Variants in ADAM19 observed in about 807,000 individuals in gnomAD.
The protein encoded by ADAM19 is ADAM metallopeptidase domain 19.
ADAM19 carries 65 observed loss-of-function variants against 114.7 expected under a neutral mutation model. That is an observed-to-expected ratio of 0.57 (90% CI 0.46 to 0.70). The LOEUF is 0.70. Ranked by LOEUF, ADAM19 falls within the 30% of genes least tolerant of loss-of-function variation. ADAM19 has a pLI of 0.00. For synonymous variants in ADAM19, 466 were observed against 460.5 expected, an observed-to-expected ratio of 1.01 and a Z score of -0.15; for missense variants, 1,063 against 1,204.7, an observed-to-expected ratio of 0.88 and a Z score of 1.74.
chr5:157,550,686 GAAA>G (rs60281885), intron 3 of ADAM19, among the ~76,000 whole-genome samples: 1 of 139,834 alleles, frequency 7.2e-6, no homozygotes, highest in Non-Finnish European at 1.6e-5. Flanking sequence ...AAGCTGTTTG[GAAA>G]AAAAAAAAAA....
intron 7 of ADAM19, among the ~76,000 whole-genome samples, chr5:157,514,619 G>C (rs1043621553): frequency 6.6e-6 from 1 of 152,122 alleles, no homozygotes; most frequent in South Asian, 2.1e-4. Flanking sequence ...GAGCCACTGC[G>C]CCTGGCCGTA....
Position 157,480,500 on chromosome 5 carries a change from C to G in ADAM19, c.*449G>C, listed in dbSNP as rs1256257600. The G allele has an allele frequency of 1.0e-6, 1 of 996,140 alleles. No individual in the cohort carries two copies. The highest frequency in any genetic ancestry group is 1.2e-6 in the Non-Finnish European group (1 of 836,824). The allele number at this position is 996,140 out of a possible 1,614,324, so 61.7% of individuals were successfully genotyped here. On this transcript the variant is annotated 3_prime_UTR_variant, in exon 23 of 23. Coordinates refer to ENST00000257527, the MANE Select transcript of ADAM19 (RefSeq NM_033274.5). ...GCTAAAAGGGGTGGGTAAGTACCAGCCTCCATCCAGCCCGGGACCTCTGAG... is the reference window on the plus strand; with the variant it reads ...GCTAAAAGGGGTGGGTAAGTACCAGGCTCCATCCAGCCCGGGACCTCTGAG...
chr5:157,543,835 GA>G (rs138930065), intron 3 of ADAM19, among the ~76,000 whole-genome samples: 2,127 of 152,228 alleles, frequency 0.014, 42 homozygotes, highest in African/African-American at 0.048. Flanking sequence ...AAGTGTCTCT[GA>G]AAAGCAGAGT....
intron 16 of ADAM19, among the ~76,000 whole-genome samples, chr5:157,492,241 G>A (rs1269260614): frequency 3.9e-5 from 6 of 152,134 alleles, no homozygotes; most frequent in East Asian, 3.9e-4. Context: ...GCAGTGAGCC[G>A]AGATTGTACC....
At chr5:157,534,289 G>T (rs1433123082) in intron 4 of ADAM19, among the ~76,000 whole-genome samples, 1 of 152,018 alleles carries the variant, frequency 6.6e-6, no homozygotes, top group African/African-American at 2.4e-5. Context: ...CCAACATGGT[G>T]AAACTCCATT....
chr5:157,546,874 G>C (rs943766905), intron 3 of ADAM19, among the ~76,000 whole-genome samples: 1 of 152,158 alleles, frequency 6.6e-6, no homozygotes, highest in Non-Finnish European at 1.5e-5. Context: ...AGGAAAGTCC[G>C]GCCCAGCTCC....
At chr5:157,554,977 G>T (rs1757326770) in intron 3 of ADAM19, among the ~76,000 whole-genome samples, 1 of 152,190 alleles carries the variant, frequency 6.6e-6, no homozygotes, top group Non-Finnish European at 1.5e-5. Context: ...GGAAAGGTAG[G>T]AGGAAAGGGA....
At position 157,490,367 on chromosome 5, in the gene ADAM19, T is replaced by C; in HGVS notation, c.2183A>G (p.Asn728Ser). 6.2e-7 allele frequency: 1 copy of C among 1,614,104 alleles called. No individual in the cohort carries two copies. The highest frequency in any genetic ancestry group is 1.3e-5 in the African/African-American group (1 of 75,042). The part of the protein sequence containing the change: ...MLMYYCCRQN[N>S]KLGQLKPSAL... ...TGAGGGCTTGAGTTGGCCTAGTTTG[T>C]TGTTCTGTCTGCAGCAGTAGTACAT... The change falls in exon 19 of 23, where the codon AAC becomes AGC. Residue 728 changes from asparagine to serine, a missense_variant. This residue lies in a region of ADAM19 where 424 missense variants were observed against 445.5 expected (regional missense o/e 0.95). Transcript: ENST00000257527.
chr5:157,541,818 A>T (rs1261185794), intron 3 of ADAM19, among the ~76,000 whole-genome samples: 1 of 152,250 alleles, frequency 6.6e-6, no homozygotes, highest in Non-Finnish European at 1.5e-5. Context: ...AGGAGCAGTG[A>T]CACTAAAATG....
chr5:157,540,746 C>T (rs1756895046), intron 3 of ADAM19, among the ~76,000 whole-genome samples: 1 of 152,112 alleles, frequency 6.6e-6, no homozygotes, highest in Admixed American at 6.5e-5. Flanking sequence ...CACTGGACAC[C>T]TCCAGGGAGA....
intron 3 of ADAM19, among the ~76,000 whole-genome samples, chr5:157,557,773 CT>C (rs1247243809): frequency 5.9e-5 from 9 of 152,136 alleles, no homozygotes; most frequent in African/African-American, 2.2e-4. Context: ...CGGGTCTCTT[CT>C]ATCAGGGCAC....
At chr5:157,491,537 C>T (rs976669587) in intron 18 of ADAM19, 78 bp downstream of exon 18, 2 of 1,019,514 alleles carry the variant, frequency 2.0e-6, no homozygotes, top group Non-Finnish European at 2.8e-6. Flanking sequence ...AATGTGGATG[C>T]TCTGCAACAT....
At position 157,507,109 on chromosome 5, in the gene ADAM19, G is replaced by A; in HGVS notation, c.937C>T (p.Leu313=). 1 of 1,614,142 alleles carries A rather than the reference G, an allele frequency of 6.2e-7. No homozygotes were observed. Among genetic ancestry groups the A allele is most frequent in the South Asian group, 1.1e-5 (1 of 91,082 alleles). Residue 313 remains leucine, a synonymous_variant, in exon 10 of 23, where the codon CTG becomes TTG. Coordinates refer to ENST00000257527, the MANE Select transcript of ADAM19 (RefSeq NM_033274.5). ...GMSFHGTTIG[L]APLMAMCSVY... is the part of the protein sequence containing the mutation. ...GAGCACATGGCCATGAGGGGGGCCA[G>A]GCCGATGGTGGTGCCGTGGAAGGAC... is the stretch of plus-strand genomic sequence containing the variant.
chr5:157,480,724 G>A lies in ADAM19; in HGVS notation c.*225C>T. On this transcript the variant is annotated 3_prime_UTR_variant, in exon 23 of 23. Transcript: ENST00000257527. ...CCCTCCCTACCTGGGGCTGTATATT[G>A]CACAAAACAACACCTAGAGGCCATC... is the stretch of plus-strand genomic sequence containing the variant. 3 of 1,389,318 alleles carry A rather than the reference G, an allele frequency of 2.2e-6. No homozygotes were observed. The highest frequency in any genetic ancestry group is 5.5e-5 in the East Asian group (2 of 36,498). The allele number at this position is 1,389,318 out of a possible 1,614,324, so 86.1% of individuals were successfully genotyped here.
At chr5:157,526,414 A>G (rs556259482) in intron 5 of ADAM19, among the ~76,000 whole-genome samples, 1 of 152,236 alleles carries the variant, frequency 6.6e-6, no homozygotes, top group Admixed American at 6.5e-5. Flanking sequence ...ATTTTTAAAA[A>G]AGTAAACAAC....
chr5:157,526,526 T>C (rs1756467335), intron 5 of ADAM19, among the ~76,000 whole-genome samples: 1 of 152,120 alleles, frequency 6.6e-6, no homozygotes, highest in South Asian at 2.1e-4. Flanking sequence ...CTTAACCCAG[T>C]ATAGATATTT....
At chr5:157,507,365 A>G (rs1755778427) in intron 9 of ADAM19, among the ~76,000 whole-genome samples, 1 of 152,222 alleles carries the variant, frequency 6.6e-6, no homozygotes, top group Non-Finnish European at 1.5e-5. Context: ...GAACACAAAG[A>G]GAGAGAGAAA....
intron 4 of ADAM19, among the ~76,000 whole-genome samples, chr5:157,536,667 T>C (rs1394521679): frequency 6.6e-6 from 1 of 152,142 alleles, no homozygotes; most frequent in African/African-American, 2.4e-5. Context: ...CTGTGTCCCT[T>C]TCCCCATCCA....
Position 157,496,943 on chromosome 5 carries a change from G to A in ADAM19, c.1545C>T (p.Asn515=), listed in dbSNP as rs181353242. 4.4e-5 allele frequency: 71 copies of A among 1,597,444 alleles called. No homozygotes were observed. The East Asian group carries it at 9.5e-4, about 21-fold the overall frequency. The part of the protein sequence containing the change: ...PCEGGQAYCY[N]GMCLTYQEQC... ...GCTCCTGGTAGGTGAGGCACATGCCGTTGTAGCAGTAGGCCTGGCCGCCCT... is the reference window on the plus strand; with the variant it reads ...GCTCCTGGTAGGTGAGGCACATGCCATTGTAGCAGTAGGCCTGGCCGCCCT... Residue 515 remains asparagine (N), a synonymous_variant, in exon 14 of 23, where the codon AAC becomes AAT. Coordinates refer to ENST00000257527, the MANE Select transcript of ADAM19 (RefSeq NM_033274.5).
Sources: gnomAD v4.1 joint callset for allele counts (sites outside exome capture counted in the v4.1 genomes callset) on GRCh38, gnomAD v4.1.1 for gene constraint, gnomAD v4.1.1 regional missense constraint, MANE v1.5 for transcripts, NCBI Gene and HGNC (gene_info 2026-07-23, HGNC 2026-07-21) for gene names.